The following GPR176 variants were observed in gnomAD, a reference collection of about 807,000 sequenced individuals.
GPR176 encodes the protein G-protein coupled receptor 176.
GPR176 carries 26 observed loss-of-function variants against 35.4 expected under a neutral mutation model. The ratio of observed to expected loss-of-function variants is 0.74; its 90% CI spans 0.54 to 1.02. The LOEUF (loss-of-function observed/expected upper bound fraction) is 1.02, where lower values mean the gene tolerates loss of function less well. Ranked by LOEUF, GPR176 falls within the 50% of genes least tolerant of loss-of-function variation. The probability of loss-of-function intolerance (pLI) is 0.00; values close to 1 mark genes in which losing one functional copy is unlikely to be tolerated. For missense variants in GPR176, 597 were observed against 665.3 expected, an observed-to-expected ratio of 0.90 and a Z score of 1.13; for synonymous variants, 278 against 271.3, an observed-to-expected ratio of 1.02 and a Z score of -0.24.
intron 1 of GPR176, among the ~76,000 whole-genome samples, chr15:39,904,089 G>A (rs768782247): frequency 6.6e-6 from 1 of 152,178 alleles, no homozygotes; most frequent in Non-Finnish European, 1.5e-5. Flanking sequence ...TGGCACTGGT[G>A]GGAGTGTAGC....
At position 39,801,804 on chromosome 15, in the gene GPR176, G is replaced by A. The variant is rs750117515; in HGVS notation, c.876C>T (p.Leu292=). The A allele has an allele frequency of 6.8e-6, 11 of 1,613,740 alleles. No individual in the cohort carries two copies. The highest frequency in any genetic ancestry group is 2.2e-5 in the South Asian group (2 of 91,072). Residue 292 remains leucine (L), a synonymous_variant, in exon 3 of 3, where the codon CTC becomes CTT. Coordinates refer to ENST00000561100, the MANE Select transcript of GPR176 (RefSeq NM_007223.3). The stretch of plus-strand genomic sequence containing the variant: ...AGAAGACGGAAGTGTCAGGGACATT[G>A]AGCACAGTCTGGTAGACGACCAGGG... The part of the protein sequence containing the change: ...YATLVVYQTV[L]NVPDTSVFLL...
At chr15:39,868,640 G>A (rs772419466) in intron 1 of GPR176, among the ~76,000 whole-genome samples, 3 of 151,972 alleles carry the variant, frequency 2.0e-5, no homozygotes, top group Non-Finnish European at 4.4e-5. Context: ...TTTTTTTATT[G>A]GACTTTTAGG....
rs11410825 is a variant in GPR176 at position 39,918,044 on chromosome 15, T to TAAAAA, written c.172+1806_172+1810dup. On this transcript the variant is annotated intron_variant, in intron 1 of 2. Transcript: ENST00000561100. ...TGGGCAACAAGAGTGAAACTCTGTC[T>TAAAAA]AAAAAAAAAAAAAAAAAAAAGACTC... Among the ~76,000 whole-genome samples, 3 of 111,438 alleles carry TAAAAA rather than the reference T, an allele frequency of 2.7e-5. 1 individual carries two copies. The highest frequency in any genetic ancestry group is 3.5e-5 in the Non-Finnish European group (2 of 57,164). The allele number at this position is 111,438 out of a possible 152,430, so 73.1% of individuals were successfully genotyped here. A position where few individuals can be genotyped will look rare whatever the true frequency, so the allele number is the denominator to read the frequency against.
intron 1 of GPR176, among the ~76,000 whole-genome samples, chr15:39,884,477 T>A (rs1434600985): frequency 6.6e-6 from 1 of 152,256 alleles, no homozygotes; most frequent in Non-Finnish European, 1.5e-5. Context: ...CCAACTACAA[T>A]GGCTTAATTG....
intron 1 of GPR176, among the ~76,000 whole-genome samples, chr15:39,898,612 G>A (rs906395031): frequency 2.0e-5 from 3 of 152,086 alleles, no homozygotes; most frequent in African/African-American, 7.2e-5. Flanking sequence ...GGAGCCAAGC[G>A]TAATTTGGAA....
At chr15:39,865,513 G>A (rs1159736367) in intron 1 of GPR176, among the ~76,000 whole-genome samples, 1 of 152,090 alleles carries the variant, frequency 6.6e-6, no homozygotes, top group East Asian at 1.9e-4. Flanking sequence ...TACACATGGA[G>A]GTAGAGCATG....
chr15:39,842,213 C>T (rs1203355799), intron 1 of GPR176, among the ~76,000 whole-genome samples: 1 of 152,040 alleles, frequency 6.6e-6, no homozygotes, highest in Non-Finnish European at 1.5e-5. Flanking sequence ...GCTGGAGAGG[C>T]CTCAGGAAAC....
chr15:39,813,054 C>T (rs1372306349), intron 1 of GPR176, among the ~76,000 whole-genome samples: 2 of 152,156 alleles, frequency 1.3e-5, no homozygotes, highest in Admixed American at 6.5e-5. Flanking sequence ...GCTTTTTAAA[C>T]TGATCTGACA....
chr15:39,875,833 A>ACCAC (rs1254601574), intron 1 of GPR176, among the ~76,000 whole-genome samples: 6 of 152,056 alleles, frequency 3.9e-5, no homozygotes, highest in Non-Finnish European at 5.9e-5. Flanking sequence ...ACATACACAA[A>ACCAC]CCACCACCTG....
intron 1 of GPR176, among the ~76,000 whole-genome samples, chr15:39,877,553 T>C (rs541398850): frequency 0.069 from 515 of 7,504 alleles, 1 homozygote; most frequent in African/African-American, 0.15. Flanking sequence ...TCTTCTTCTT[T>C]TTTTTTTTTT....
intron 1 of GPR176, among the ~76,000 whole-genome samples, chr15:39,858,746 CT>C (rs909136363): frequency 6.0e-5 from 9 of 151,164 alleles, no homozygotes; most frequent in African/African-American, 1.7e-4. Context: ...AATACAAATT[CT>C]TTTTTTTTCT....
chr15:39,807,523 G>T, intron 1 of GPR176: 1 of 1,478,400 alleles, frequency 6.8e-7, no homozygotes, highest in Non-Finnish European at 9.0e-7. Flanking sequence ...GTATTATAAC[G>T]ATGGCTTAGT....
intron 1 of GPR176, among the ~76,000 whole-genome samples, chr15:39,819,893 G>C (rs952153541): frequency 6.6e-6 from 1 of 152,202 alleles, no homozygotes; most frequent in Non-Finnish European, 1.5e-5. Flanking sequence ...TTTTGGAAAT[G>C]AAAGCTTCTT....
intron 1 of GPR176, among the ~76,000 whole-genome samples, chr15:39,822,189 C>G (rs1184859748): frequency 6.6e-6 from 1 of 152,230 alleles, no homozygotes; most frequent in Non-Finnish European, 1.5e-5. Flanking sequence ...CATCTTGATG[C>G]AACCTTATGA....
chr15:39,839,113 T>C (rs899213369), intron 1 of GPR176, among the ~76,000 whole-genome samples: 41 of 152,196 alleles, frequency 2.7e-4, no homozygotes, highest in Non-Finnish European at 5.0e-4. Flanking sequence ...AATGACTTTC[T>C]TCACAGAATT....
intron 1 of GPR176, among the ~76,000 whole-genome samples, chr15:39,871,027 C>G (rs2032023109): frequency 6.6e-6 from 1 of 152,108 alleles, no homozygotes; most frequent in African/African-American, 2.4e-5. Flanking sequence ...CTCACCTTAC[C>G]CATGACAGAA....
chr15:39,825,218 T>G (rs932644721), intron 1 of GPR176, among the ~76,000 whole-genome samples: 2 of 151,926 alleles, frequency 1.3e-5, no homozygotes, highest in Non-Finnish European at 2.9e-5. Flanking sequence ...AGAAAAAAGG[T>G]TTAGAGAAGT....
rs2033837066 is a variant in GPR176 at position 39,920,044 on chromosome 15, G to C, written c.-18C>G. ...TGTCCCATGGCGAGGCTGGGACTCC[G>C]GCTCCGCGCGCCGCCCGCCTCGGAG... On this transcript the variant is annotated 5_prime_UTR_variant, in exon 1 of 3. Transcript: ENST00000561100. The C allele has an allele frequency of 1.5e-6, 2 of 1,292,558 alleles. No homozygotes were observed. The highest frequency in any genetic ancestry group is 2.0e-6 in the Non-Finnish European group (2 of 1,013,396). The allele number at this position is 1,292,558 out of a possible 1,614,324, so 80.1% of individuals were successfully genotyped here.
At chr15:39,806,285 T>C (rs187157849) in intron 2 of GPR176, among the ~76,000 whole-genome samples, 277 of 152,362 alleles carry the variant, frequency 1.8e-3, no homozygotes, top group Admixed American at 3.9e-3. Flanking sequence ...ACTTTTCAAT[T>C]CTTGTTTGCT....
Sources: gnomAD v4.1 joint callset for allele counts (sites outside exome capture counted in the v4.1 genomes callset) on GRCh38, gnomAD v4.1.1 for gene constraint, MANE v1.5 for transcripts, NCBI Gene and HGNC (gene_info 2026-07-23, HGNC 2026-07-21) for gene names.